ANKRD7: variants seen among roughly 807,000 people sequenced by gnomAD.
ANKRD7 encodes the protein ankyrin repeat domain-containing protein 7.
A neutral mutation model predicts 30.8 loss-of-function variants in ANKRD7; 30 were observed. The ratio of observed to expected loss-of-function variants is 0.97; its 90% CI spans 0.73 to 1.32. The LOEUF is 1.32. ANKRD7 is among the 40% of genes most tolerant of loss of function. The pLI is 0.00. For synonymous variants in ANKRD7, 97 were observed against 106.6 expected (o/e 0.91, Z 0.55); for missense variants, 264 against 295.7 (o/e 0.89, Z 0.79).
intron 5 of ANKRD7, 43 bp downstream of exon 5, chr7:118,236,969 A>G: frequency 6.2e-7 from 1 of 1,600,692 alleles, no homozygotes; most frequent in Non-Finnish European, 8.5e-7. Flanking sequence ...ATGGGGTTTG[A>G]TTATAAGGAT....
intron 1 of ANKRD7, among the ~76,000 whole-genome samples, chr7:118,230,214 T>C (rs1473349372): frequency 6.6e-6 from 1 of 151,820 alleles, no homozygotes; most frequent in African/African-American, 2.4e-5. Flanking sequence ...GGCATCCAAA[T>C]TGACAAAGAG....
intron 5 of ANKRD7, among the ~76,000 whole-genome samples, chr7:118,239,379 C>A (rs1300297097): frequency 1.3e-5 from 2 of 152,148 alleles, no homozygotes; most frequent in Non-Finnish European, 2.9e-5. Context: ...CCCTGTCCCC[C>A]TACTTCTGTG....
chr7:118,230,317 T>C (rs773893530), intron 1 of ANKRD7, among the ~76,000 whole-genome samples: 2 of 151,516 alleles, frequency 1.3e-5, no homozygotes, highest in South Asian at 2.1e-4. Context: ...GGCATGAGAG[T>C]TGAAAAACTA....
chr7:118,227,430 T>C (rs900428072), intron 1 of ANKRD7, among the ~76,000 whole-genome samples: 9 of 152,154 alleles, frequency 5.9e-5, no homozygotes, highest in African/African-American at 2.2e-4. Flanking sequence ...AAGAGGGTGT[T>C]CTGAATCTCT....
Position 118,236,935 on chromosome 7 carries a change from T to C in ANKRD7, c.712+9T>C. 3 of 1,613,164 alleles carry C rather than the reference T, an allele frequency of 1.9e-6. No homozygotes were observed. The highest frequency in any genetic ancestry group is 2.5e-6 in the Non-Finnish European group (3 of 1,179,506). On this transcript the variant is annotated intron_variant, in intron 5 of 6. Coordinates refer to ENST00000265224, the MANE Select transcript of ANKRD7 (RefSeq NM_019644.4). Reference sequence around the variant, plus strand: ...TTCCATGGTTTTACTGCGTAAGTGATACTGCATGTCTTTTAACAACTGTAT... The same window carrying C: ...TTCCATGGTTTTACTGCGTAAGTGACACTGCATGTCTTTTAACAACTGTAT...
intron 5 of ANKRD7, among the ~76,000 whole-genome samples, chr7:118,238,544 T>C (rs903554061): frequency 2.0e-5 from 3 of 152,242 alleles, no homozygotes; most frequent in African/African-American, 7.2e-5. Flanking sequence ...AATGTGCTGC[T>C]TCATAACATC....
At position 118,234,835 on chromosome 7, in the gene ANKRD7, A is replaced by G. The variant is rs375393680; in HGVS notation, c.429A>G (p.Lys143=). 25 of 1,610,560 alleles carry G rather than the reference A, an allele frequency of 1.6e-5. No individual in the cohort carries two copies. The highest frequency in any genetic ancestry group is 2.0e-5 in the Non-Finnish European group (24 of 1,179,252). Residue 143 remains lysine (K), a synonymous_variant, in exon 3 of 7, where the codon AAA becomes AAG. Coordinates refer to ENST00000265224, the MANE Select transcript of ANKRD7 (RefSeq NM_019644.4). ...GTCAAAGTTTGTCATTAGTTGAAAA[A>G]CTGCTTGAATACGAAGCTGATCTTG... ...VCGQSLSLVE[K]LLEYEADLEA...
Position 118,224,889 on chromosome 7 carries a change from A to G in ANKRD7, c.59A>G (p.Asn20Ser), listed in dbSNP as rs757231606. The change falls in exon 1 of 7, where the codon AAC (asparagine) becomes AGC (serine). Residue 20 changes from asparagine (N) to serine (S), a missense_variant. Transcript: ENST00000265224. ...RKNETRSQGY[N>S]LREKDLKKLH... ...AATGAGACCCGCAGCCAGGGCTACA[A>G]CCTTCGAGAAAAGGATTTAAAGAAA... is the stretch of plus-strand genomic sequence containing the variant. 1.2e-5 allele frequency: 19 copies of G among 1,614,186 alleles called. No homozygotes were observed. The highest frequency in any genetic ancestry group is 1.6e-5 in the Non-Finnish European group (19 of 1,180,016).
At chr7:118,228,923 G>C (rs755573192) in intron 1 of ANKRD7, among the ~76,000 whole-genome samples, 34 of 152,282 alleles carry the variant, frequency 2.2e-4, no homozygotes, top group African/African-American at 7.2e-4. Context: ...TGTAATGTAT[G>C]TCAAATGGTA....
In ANKRD7 at chr7:118,234,854, G is replaced by C. The variant is rs367673076; in HGVS notation, c.448G>C (p.Asp150His). 38 of 1,597,008 alleles carry C rather than the reference G, an allele frequency of 2.4e-5. No homozygotes were observed. The highest frequency in any genetic ancestry group is 3.0e-5 in the Non-Finnish European group (35 of 1,175,556). ...TGAAAAACTGCTTGAATACGAAGCT[G>C]ATCTTGAAGCGAAAAATAAGGTAGT... ...LVEKLLEYEA[D>H]LEAKNKDGYT... Residue 150 changes from aspartate (D) to histidine (H), a missense_variant, in exon 3 of 7, where the codon GAT becomes CAT. Physicochemically the swap from Asp to His is moderately conservative, Grantham distance 81. Coordinates refer to ENST00000265224, the MANE Select transcript of ANKRD7 (RefSeq NM_019644.4).
intron 6 of ANKRD7, 37 bp from the exon 7 acceptor site, chr7:118,242,312 G>A (rs1017757495): frequency 2.6e-5 from 4 of 152,142 alleles, no homozygotes; most frequent in Non-Finnish European, 4.4e-5. Context: ...ATATTTGGAC[G>A]TAAGTGAAGA....
chr7:118,234,694 T>A lies in ANKRD7; in HGVS notation c.295-7T>A. The A allele has an allele frequency of 2.5e-6, 4 of 1,600,508 alleles. No homozygotes were observed. Among genetic ancestry groups the A allele is most frequent in the Non-Finnish European group, 3.4e-6 (4 of 1,175,808 alleles). ...TGGTTACTCATCTACTCTTGTTGCA[T>A]TAACAGGCAGTACAGTGTCAAAATG... is the stretch of plus-strand genomic sequence containing the variant. On this transcript the variant is annotated splice_polypyrimidine_tract_variant and splice_region_variant and intron_variant, in intron 2 of 6. Transcript: ENST00000265224.
In ANKRD7 at chr7:118,224,772, G is replaced by A; in HGVS notation, c.-59G>A. The A allele has an allele frequency of 6.4e-7, 1 of 1,554,428 alleles. No homozygotes were observed. Among genetic ancestry groups the A allele is most frequent in the Admixed American group, 2.0e-5 (1 of 49,566 alleles). Reference sequence around the variant, plus strand: ...GATGCCAGGGCAGAGGGGCAGGGCGGACGGCTAGGAGTTCAAGAAACATCC... The same window carrying A: ...GATGCCAGGGCAGAGGGGCAGGGCGAACGGCTAGGAGTTCAAGAAACATCC... On this transcript the variant is annotated 5_prime_UTR_variant, in exon 1 of 7. Transcript: ENST00000265224.
chr7:118,233,085 G>A (rs1336038817), intron 1 of ANKRD7, among the ~76,000 whole-genome samples: 2 of 152,062 alleles, frequency 1.3e-5, no homozygotes, highest in Non-Finnish European at 2.9e-5. Context: ...TGAGAAATTA[G>A]TCATCAGAAA....
chr7:118,232,720 TTGTGTGTG>T (rs3061652), intron 1 of ANKRD7, among the ~76,000 whole-genome samples: 93 of 146,016 alleles, frequency 6.4e-4, no homozygotes, highest in African/African-American at 2.1e-3. Context: ...AGCAGTGTGT[TTGTGTGTG>T]TGTGTGTGTG....
chr7:118,224,953 G>A lies in ANKRD7; in HGVS notation c.123G>A (p.Leu41=), dbSNP rs1455853113. 6.2e-7 allele frequency: 1 copy of A among 1,614,054 alleles called. No individual in the cohort carries two copies. The highest frequency in any genetic ancestry group is 8.5e-7 in the Non-Finnish European group (1 of 1,180,034). Residue 41 remains leucine, a synonymous_variant, in exon 1 of 7, where the codon CTG becomes CTA. Transcript: ENST00000265224. The part of the protein sequence containing the change: ...RAASVGDLKK[L]KEYLQIKKYD... ...CTTCAGTCGGGGATTTGAAGAAGCT[G>A]AAGGAATACCTTCAGATCAAGAAAT... is the stretch of plus-strand genomic sequence containing the variant.
chr7:118,237,607 A>G (rs963883791), intron 5 of ANKRD7, among the ~76,000 whole-genome samples: 4 of 151,850 alleles, frequency 2.6e-5, no homozygotes, highest in Non-Finnish European at 5.9e-5. Context: ...TTCAGTTTTT[A>G]TTATTCTTCT....
chr7:118,230,190 C>T (rs1809610590), intron 1 of ANKRD7, among the ~76,000 whole-genome samples: 1 of 151,756 alleles, frequency 6.6e-6, no homozygotes, highest in Non-Finnish European at 1.5e-5. Context: ...AAAAATCAGT[C>T]AAAAGAAATA....
Position 118,232,062 on chromosome 7 carries a change from C to G in ANKRD7, c.180-2369C>G, listed in dbSNP as rs572302789. ...CTGTAAATATACTTTTTGCATTCAA[C>G]TCTTTCAAAAAATAGAATGGCCTCT... On this transcript the variant is annotated intron_variant, in intron 1 of 6. Transcript: ENST00000265224. Among the ~76,000 whole-genome samples the G allele has an allele frequency of 2.6e-5, 4 of 152,106 alleles. No individual in the cohort carries two copies. The East Asian group carries it at 7.7e-4, about 29-fold the overall frequency.
Sources: allele counts gnomAD v4.1 joint callset (sites outside exome capture counted in the v4.1 genomes callset), GRCh38; gene constraint gnomAD v4.1.1; transcripts MANE v1.5; gene names NCBI Gene and HGNC (gene_info 2026-07-23, HGNC 2026-07-21).